PATZ1: variants seen among roughly 807,000 people sequenced by gnomAD.
The protein encoded by PATZ1 is POZ/BTB and AT hook containing zinc finger 1, also known as POZ-, AT hook-, and zinc finger-containing protein 1.
In PATZ1, 9 loss-of-function variants were observed where a neutral mutation model predicts 46.2. The observed-to-expected ratio is 0.19, with a 90% confidence interval of 0.12 to 0.34. The LOEUF (loss-of-function observed/expected upper bound fraction) is 0.34, where lower values mean the gene tolerates loss of function less well. Among genes scored for constraint, PATZ1 ranks in the 10% least tolerant of loss-of-function variants. The probability of loss-of-function intolerance (pLI) is 1.00; values close to 1 mark genes in which losing one functional copy is unlikely to be tolerated. For missense variants in PATZ1, 632 were observed against 923.0 expected, an observed-to-expected ratio of 0.68 and a Z score of 4.08; for synonymous variants, 426 against 378.6, an observed-to-expected ratio of 1.13 and a Z score of -1.45.
At position 31,345,137 on chromosome 22, in the gene PATZ1, T is replaced by C; in HGVS notation, c.466A>G (p.Ile156Val). ...RSVIEICQEVIKQSNVQILVP... is the reference protein window; with the variant it reads ...RSVIEICQEVVKQSNVQILVP... ...AGGATCTGTACGTTGGACTGTTTGA[T>C]GACTTCCTGGCAGATCTCGATAACC... is the stretch of plus-strand genomic sequence containing the variant. Residue 156 changes from isoleucine to valine, a missense_variant, in exon 1 of 5, where the codon ATC becomes GTC. By Grantham distance (29) the Ile-to-Val change is conservative. This residue lies in a region of PATZ1 where 279 missense variants were observed against 284.3 expected (regional missense o/e 0.98). Transcript: ENST00000266269. The surrounding 1 kb of genome is among the most constrained non-coding windows in gnomAD (Gnocchi z 7.4). 1 of 1,614,160 alleles carries C rather than the reference T, an allele frequency of 6.2e-7. No individual in the cohort carries two copies. Among genetic ancestry groups the C allele is most frequent in the Non-Finnish European group, 8.5e-7 (1 of 1,180,016 alleles).
At chr22:31,333,896 C>G (rs1208129773) in intron 3 of PATZ1, among the ~76,000 whole-genome samples, 1 of 152,214 alleles carries the variant, frequency 6.6e-6, no homozygotes, top group African/African-American at 2.4e-5. Context: ...CTGCTGCTCT[C>G]AGTTTTTCTC....
chr22:31,333,000 A>G (rs868736195), intron 3 of PATZ1, among the ~76,000 whole-genome samples: 1 of 152,234 alleles, frequency 6.6e-6, no homozygotes, highest in African/African-American at 2.4e-5. Context: ...TTTTCTAGCC[A>G]TAATACTCCC....
chr22:31,345,681 G>A lies in PATZ1; in HGVS notation c.-79C>T. ...TCCCCTCAGCAGCGAGAAGCGGGGC[G>A]CAGCAGACGTGTCCACACTCCCCAC... On this transcript the variant is annotated 5_prime_UTR_variant, in exon 1 of 5. Coordinates refer to ENST00000266269, the MANE Select transcript of PATZ1 (RefSeq NM_014323.3). This position sits in a 1 kb window ranked among gnomAD's most constrained non-coding sequence, Gnocchi z 7.4. The A allele has an allele frequency of 2.2e-6, 3 of 1,386,164 alleles. No homozygotes were observed. Among genetic ancestry groups the A allele is most frequent in the Admixed American group, 4.8e-5 (2 of 41,278 alleles). The allele number at this position is 1,386,164 out of a possible 1,614,324, so 85.9% of individuals were successfully genotyped here.
intron 2 of PATZ1, among the ~76,000 whole-genome samples, chr22:31,338,373 A>G (rs1009810339): frequency 3.9e-4 from 59 of 152,246 alleles, no homozygotes; most frequent in African/African-American, 1.3e-3. Flanking sequence ...CACAGTGTAC[A>G]GTACTTGGCA....
rs536531580 is a variant in PATZ1 at position 31,344,810 on chromosome 22, G to T, written c.793C>A (p.Arg265=). 8.1e-6 allele frequency: 13 copies of T among 1,609,342 alleles called. No homozygotes were observed. The highest frequency in any genetic ancestry group is 1.1e-5 in the Non-Finnish European group (13 of 1,177,488). Residue 265 remains arginine, a synonymous_variant, in exon 1 of 5, where the codon CGA becomes AGA. Coordinates refer to ENST00000266269, the MANE Select transcript of PATZ1 (RefSeq NM_014323.3). ...GCCTTCCTTGGGCGGCCCCGGCCTC[G>T]CTTGCCAGTCAGGGGAGGGGCACTG... ...ASSAPPLTGK[R]GRGRPRKANL... is the part of the protein sequence containing the mutation.
intron 2 of PATZ1, chr22:31,341,331 C>T: frequency 4.0e-6 from 6 of 1,498,930 alleles, no homozygotes; most frequent in Non-Finnish European, 5.3e-6. Flanking sequence ...CTAGCCTCTC[C>T]CAAAAGCAGG....
At chr22:31,344,190 C>T (rs2049619024) in intron 1 of PATZ1, 142 bp downstream of exon 1, 1 of 762,580 alleles carries the variant, frequency 1.3e-6, no homozygotes, top group African/African-American at 1.7e-5. Flanking sequence ...AATAAGGGCC[C>T]TTAAAAACAC....
chr22:31,344,585 C>G lies in PATZ1; in HGVS notation c.1018G>C (p.Glu340Gln). 1 of 1,614,202 alleles carries G rather than the reference C, an allele frequency of 6.2e-7. No individual in the cohort carries two copies. Among genetic ancestry groups the G allele is most frequent in the Middle Eastern group, 1.6e-4 (1 of 6,062 alleles). Residue 340 changes from glutamate to glutamine, a missense_variant, in exon 1 of 5, where the codon GAA becomes CAA. By Grantham distance (29) the Glu-to-Gln change is conservative (BLOSUM62 2). Coordinates refer to ENST00000266269, the MANE Select transcript of PATZ1 (RefSeq NM_014323.3). ...CTCTTTCGGGGGCCGTCGGGGTCTT[C>G]AGAGATGGGTAGCCCATTCTCACCC... is the stretch of plus-strand genomic sequence containing the variant. ...RLGENGLPIS[E>Q]DPDGPRKRSR...
At chr22:31,341,628 AG>A in intron 2 of PATZ1, 1 of 1,614,068 alleles carries the variant, frequency 6.2e-7, no homozygotes, top group Non-Finnish European at 8.5e-7. Context: ...CCATGATGGC[AG>A]GTCGCTAGGA....
chr22:31,341,492 G>T (rs372662856), intron 2 of PATZ1: 1 of 1,613,830 alleles, frequency 6.2e-7, no homozygotes. Flanking sequence ...CTGGGCAGAA[G>T]AGAGTGTTGC....
At position 31,344,412 on chromosome 22, in the gene PATZ1, G is replaced by A. The variant is rs1424169550; in HGVS notation, c.1191C>T (p.Arg397=). Residue 397 remains arginine (R), a synonymous_variant, in exon 1 of 5, where the codon CGC becomes CGT. Transcript: ENST00000266269. ...CATGGGACCGCACATGGTAGGACAT[G>A]CGGTCTTTTCTCTTGAACCGCAACC... is the stretch of plus-strand genomic sequence containing the variant. The part of the protein sequence containing the change: ...VCGLRFKRKD[R]MSYHVRSHDG... The A allele has an allele frequency of 1.9e-6, 3 of 1,614,086 alleles. No individual in the cohort carries two copies. Among genetic ancestry groups the A allele is most frequent in the African/African-American group, 1.3e-5 (1 of 74,944 alleles).
chr22:31,341,475 G>A (rs375642242), intron 2 of PATZ1: 39 of 1,611,586 alleles, frequency 2.4e-5, no homozygotes, highest in Admixed American at 3.3e-5. Flanking sequence ...CAGATATCCC[G>A]GCGGGGCTGG....
chr22:31,341,695 G>C (rs1381373206), intron 2 of PATZ1: 1 of 1,597,846 alleles, frequency 6.3e-7, no homozygotes, highest in South Asian at 1.1e-5. Flanking sequence ...TGGAAAAAGG[G>C]CAGAGAGTGC....
Position 31,344,460 on chromosome 22 carries a change from C to T in PATZ1, c.1143G>A (p.Lys381=). The T allele has an allele frequency of 6.2e-7, 1 of 1,614,220 alleles. No homozygotes were observed. The highest frequency in any genetic ancestry group is 8.5e-7 in the Non-Finnish European group (1 of 1,180,028). The change falls in exon 1 of 5, where the codon AAG becomes AAA. Residue 381 remains lysine, a synonymous_variant. Coordinates refer to ENST00000266269, the MANE Select transcript of PATZ1 (RefSeq NM_014323.3). ...ACCCACACACAGGGCAGGAGTAGGG[C>T]TTCTCCCCAGAGTGGGACAGCTTGT... The part of the protein sequence containing the change: ...NRHKLSHSGE[K]PYSCPVCGLR...
intron 3 of PATZ1, among the ~76,000 whole-genome samples, chr22:31,331,775 T>C (rs2049446970): frequency 1.3e-5 from 2 of 152,122 alleles, no homozygotes; most frequent in Admixed American, 6.5e-5. Context: ...ATTATTATGT[T>C]TACTCCTTAC....
rs201313815 is a variant in PATZ1 at position 31,344,613 on chromosome 22, C to A, written c.990G>T (p.Arg330Ser). 6.2e-7 allele frequency: 1 copy of A among 1,614,148 alleles called. No individual in the cohort carries two copies. Among genetic ancestry groups the A allele is most frequent in the Non-Finnish European group, 8.5e-7 (1 of 1,180,046 alleles). Reference protein sequence around the residue: ...QLGYIDLPPPRLGENGLPISE... With the variant: ...QLGYIDLPPPSLGENGLPISE... ...AGATGGGTAGCCCATTCTCACCCAGCCTCGGAGGAGGAAGGTCGATGTAGC... is the reference window on the plus strand; with the variant it reads ...AGATGGGTAGCCCATTCTCACCCAGACTCGGAGGAGGAAGGTCGATGTAGC... Residue 330 changes from arginine (R) to serine (S), a missense_variant, in exon 1 of 5, where the codon AGG becomes AGT. By Grantham distance (110) the Arg-to-Ser change is moderately radical (BLOSUM62 -1). Around this residue, in one of 7 missense-constraint regions of PATZ1, gnomAD observed 279 missense variants for 284.3 expected, o/e 0.98. Coordinates refer to ENST00000266269, the MANE Select transcript of PATZ1 (RefSeq NM_014323.3).
At chr22:31,341,297 G>A in intron 2 of PATZ1, 2 of 1,455,402 alleles carry the variant, frequency 1.4e-6, no homozygotes, top group Non-Finnish European at 9.0e-7. Context: ...GAGGAGCTGG[G>A]CATGCTGGGC....
At chr22:31,343,500 C>T (rs1178149199) in intron 1 of PATZ1, 9 of 941,598 alleles carry the variant, frequency 9.6e-6, no homozygotes, top group Non-Finnish European at 1.0e-5. Flanking sequence ...CAGGGGCTGC[C>T]TGACCGGTAA....
At chr22:31,341,728 G>A (rs2049585681) in intron 2 of PATZ1, 2 of 1,556,570 alleles carry the variant, frequency 1.3e-6, no homozygotes, top group East Asian at 2.2e-5. Context: ...CAGGCCACCG[G>A]GCTTGCCCCC....
Sources: gnomAD v4.1 joint callset for allele counts (sites outside exome capture counted in the v4.1 genomes callset) on GRCh38, gnomAD v4.1.1 for gene constraint, gnomAD v4.1.1 regional missense constraint, Gnocchi (gnomAD v3.1) non-coding constraint, MANE v1.5 for transcripts, NCBI Gene and HGNC (gene_info 2026-07-23, HGNC 2026-07-21) for gene names.